ANPEP: variants seen among roughly 807,000 people sequenced by gnomAD.
ANPEP encodes the protein alanyl aminopeptidase, membrane.
ANPEP carries 70 observed loss-of-function variants against 114.6 expected under a neutral mutation model. The ratio of observed to expected loss-of-function variants is 0.61; its 90% CI spans 0.50 to 0.75. The LOEUF is 0.75. Among genes scored for constraint, ANPEP ranks in the 30% least tolerant of loss-of-function variants. The pLI, the probability that ANPEP is intolerant of heterozygous loss-of-function variation, is 0.00. For missense variants in ANPEP, 1,184 were observed against 1,259.5 expected, an observed-to-expected ratio of 0.94 and a Z score of 0.91; for synonymous variants, 548 against 522.3, an observed-to-expected ratio of 1.05 and a Z score of -0.67.
intron 1 of ANPEP, among the ~76,000 whole-genome samples, chr15:89,812,834 G>A (rs746443165): frequency 6.6e-6 from 1 of 152,154 alleles, no homozygotes; most frequent in Non-Finnish European, 1.5e-5. Flanking sequence ...TCCTAAAAAT[G>A]TCCTCCCATA....
chr15:89,792,562 C>T lies in ANPEP; in HGVS notation c.2250G>A (p.Gln750=). 1 of 1,613,814 alleles carries T rather than the reference C, an allele frequency of 6.2e-7. No homozygotes were observed. The highest frequency in any genetic ancestry group is 8.5e-7 in the Non-Finnish European group (1 of 1,179,716). ...TGCTGATGGCATTAACCTCGCTGTA[C>T]CTGCCCCAGGGGTGACACGCGGTTA... ...WREIPENLMD[Q]YSEVNAISTA... The change falls in exon 17 of 21, where the codon CAG becomes CAA. Residue 750 remains glutamine, a splice_region_variant and synonymous_variant. Coordinates refer to ENST00000300060, the MANE Select transcript of ANPEP (RefSeq NM_001150.3).
Position 89,804,388 on chromosome 15 carries a change from G to A in ANPEP, c.1044C>T (p.Asp348=). ...LPKSDQIGLP[D]FNAGAMENWG... is the part of the protein sequence containing the mutation. Reference sequence around the variant, plus strand: ...AGTTCTCCATGGCGCCGGCGTTGAAGTCTGGCAGGCCAATCTGGTCTGGGG... The same window carrying A: ...AGTTCTCCATGGCGCCGGCGTTGAAATCTGGCAGGCCAATCTGGTCTGGGG... The change falls in exon 6 of 21, where the codon GAC becomes GAT. Residue 348 remains aspartate, a synonymous_variant. Transcript: ENST00000300060. The A allele has an allele frequency of 1.9e-6, 3 of 1,614,242 alleles. No homozygotes were observed. The highest frequency in any genetic ancestry group is 1.1e-5 in the South Asian group (1 of 91,088).
intron 11 of ANPEP, 97 bp from the exon 12 acceptor site, chr15:89,801,284 A>G (rs1894583656): frequency 6.4e-7 from 1 of 1,553,114 alleles, no homozygotes; most frequent in Admixed American, 1.7e-5. Flanking sequence ...CAGCTCTGGC[A>G]CCGAGTGCCC....
chr15:89,805,591 C>T, intron 2 of ANPEP, 128 bp from the exon 3 acceptor site: 2 of 1,321,384 alleles, frequency 1.5e-6, no homozygotes, highest in Admixed American at 2.7e-5. Flanking sequence ...TGCTCCTGCT[C>T]CCACCCCCGC....
rs1356573771 is a variant in ANPEP at position 89,803,376 on chromosome 15, C to T, written c.1503+66G>A. 4.3e-6 allele frequency: 7 copies of T among 1,613,250 alleles called. No individual in the cohort carries two copies. The highest frequency in any genetic ancestry group is 5.9e-6 in the Non-Finnish European group (7 of 1,179,426). On this transcript the variant is annotated intron_variant, in intron 9 of 20. Transcript: ENST00000300060. The surrounding 1 kb of genome is among the most constrained non-coding windows in gnomAD (Gnocchi z 4.2). ...GCTCCCCCTCTGTGGTGGGCAGAGGCCCGGGTCAAGGGCGAGGGGCAGAAG... is the reference window on the plus strand; with the variant it reads ...GCTCCCCCTCTGTGGTGGGCAGAGGTCCGGGTCAAGGGCGAGGGGCAGAAG...
rs763160436 is a variant in ANPEP at position 89,792,142 on chromosome 15, C to G, written c.2528+18G>C. ...TGGGGAGAGGGCTCTCGCAGTCCCACCCTGCGCCAAGACTCACCTGTTCAG... is the reference window on the plus strand; with the variant it reads ...TGGGGAGAGGGCTCTCGCAGTCCCAGCCTGCGCCAAGACTCACCTGTTCAG... On this transcript the variant is annotated intron_variant, in intron 18 of 20. Coordinates refer to ENST00000300060, the MANE Select transcript of ANPEP (RefSeq NM_001150.3). The G allele has an allele frequency of 1.9e-6, 3 of 1,608,708 alleles. No homozygotes were observed. In the Admixed American group the frequency reaches 5.0e-5, roughly 27 times the overall value.
chr15:89,786,863 A>G (rs1395929766), intron 20 of ANPEP, among the ~76,000 whole-genome samples: 1 of 152,086 alleles, frequency 6.6e-6, no homozygotes, highest in Non-Finnish European at 1.5e-5. Context: ...ATTGATTTTC[A>G]ACTAGGTTGC....
Position 89,803,538 on chromosome 15 carries a change from G to C in ANPEP, c.1438-31C>G. The C allele has an allele frequency of 6.2e-7, 1 of 1,605,020 alleles. No homozygotes were observed. Among genetic ancestry groups the C allele is most frequent in the Non-Finnish European group, 8.5e-7 (1 of 1,178,180 alleles). The stretch of plus-strand genomic sequence containing the variant: ...GTGGGGGTGAGGGGGCGCTCAGAAG[G>C]CTGTGCAGAGCCACCAGGACCCTGT... On this transcript the variant is annotated intron_variant, in intron 8 of 20. Coordinates refer to ENST00000300060, the MANE Select transcript of ANPEP (RefSeq NM_001150.3). The surrounding 1 kb of genome is among the most constrained non-coding windows in gnomAD (Gnocchi z 4.2).
At chr15:89,811,660 A>G (rs1284600038) in intron 1 of ANPEP, among the ~76,000 whole-genome samples, 3 of 151,596 alleles carry the variant, frequency 2.0e-5, no homozygotes, top group African/African-American at 7.3e-5. Flanking sequence ...AAAAAAAAAA[A>G]AAAAAAGAAA....
At chr15:89,796,278 A>C (rs1441838703) in intron 15 of ANPEP, among the ~76,000 whole-genome samples, 1 of 152,244 alleles carries the variant, frequency 6.6e-6, no homozygotes, top group Non-Finnish European at 1.5e-5. Flanking sequence ...ACAAAAAAGG[A>C]AACATAAACA....
chr15:89,797,873 C>T, intron 14 of ANPEP, 151 bp from the exon 15 acceptor site: 1 of 1,087,854 alleles, frequency 9.2e-7, no homozygotes, highest in Non-Finnish European at 1.3e-6. Flanking sequence ...CCAACTGAGC[C>T]AGCTCAGGCA....
In ANPEP at chr15:89,806,003, T is replaced by TA; in HGVS notation, c.580dup (p.Tyr194LeufsTer33). ...ATTGCCCTCCATGTACTCGCTGCGG[T>TA]AGAAGCCCGCCAGGTCATCTGCCAA... On this transcript the variant is annotated frameshift_variant, in exon 2 of 21. Coordinates refer to ENST00000300060, the MANE Select transcript of ANPEP (RefSeq NM_001150.3). LOFTEE classifies it high-confidence loss of function. The surrounding 1 kb of genome is among the most constrained non-coding windows in gnomAD (Gnocchi z 5.7). 6.2e-7 allele frequency: 1 copy of TA among 1,605,522 alleles called. No individual in the cohort carries two copies. The highest frequency in any genetic ancestry group is 8.5e-7 in the Non-Finnish European group (1 of 1,173,714).
chr15:89,806,538 T>G lies in ANPEP; in HGVS notation c.46A>C (p.Ile16Leu), dbSNP rs1894719980. Residue 16 changes from isoleucine to leucine, a missense_variant, in exon 2 of 21, where the codon ATC becomes CTC. Ile to Leu is a conservative substitution (Grantham distance 5). Coordinates refer to ENST00000300060, the MANE Select transcript of ANPEP (RefSeq NM_001150.3). The surrounding 1 kb of genome is among the most constrained non-coding windows in gnomAD (Gnocchi z 5.7). ...CACACGGCTGCCACGCCCAGGAGGA[T>G]CCCCAGGATGCCCAGGGACTTGGAA... is the stretch of plus-strand genomic sequence containing the variant. ...YISKSLGILG[I>L]LLGVAAVCTI... is the part of the protein sequence containing the mutation. 6 of 1,611,964 alleles carry G rather than the reference T, an allele frequency of 3.7e-6. No homozygotes were observed. Among genetic ancestry groups the G allele is most frequent in the Non-Finnish European group, 5.1e-6 (6 of 1,178,488 alleles).
chr15:89,801,175 A>G lies in ANPEP; in HGVS notation c.1755T>C (p.Ile585=). 1 of 1,614,138 alleles carries G rather than the reference A, an allele frequency of 6.2e-7. No homozygotes were observed. ...TRPSEFNYVW[I]VPITSIRDGR... ...CATCTCTGATGGATGTGATGGGCAC[A>G]ATCCACACGTAGCTGCAATTAAAGA... is the stretch of plus-strand genomic sequence containing the variant. The change falls in exon 12 of 21, where the codon ATT becomes ATC. Residue 585 remains isoleucine, a synonymous_variant. Coordinates refer to ENST00000300060, the MANE Select transcript of ANPEP (RefSeq NM_001150.3).
At chr15:89,786,299 G>C (rs1230973982) in intron 20 of ANPEP, among the ~76,000 whole-genome samples, 1 of 151,116 alleles carries the variant, frequency 6.6e-6, no homozygotes, top group Non-Finnish European at 1.5e-5. Flanking sequence ...ATAAATCTGT[G>C]TCCATGGACT....
chr15:89,791,106 G>A lies in ANPEP; in HGVS notation c.2529-13C>T. On this transcript the variant is annotated splice_polypyrimidine_tract_variant and intron_variant, in intron 18 of 20. Coordinates refer to ENST00000300060, the MANE Select transcript of ANPEP (RefSeq NM_001150.3). Reference sequence around the variant, plus strand: ...GTAGCTCAGGTACCTAAGAGGGCCAGATGCTGTCTCAGCTACTGCTAATTC... The same window carrying A: ...GTAGCTCAGGTACCTAAGAGGGCCAAATGCTGTCTCAGCTACTGCTAATTC... 1 of 1,613,684 alleles carries A rather than the reference G, an allele frequency of 6.2e-7. No individual in the cohort carries two copies. The highest frequency in any genetic ancestry group is 8.5e-7 in the Non-Finnish European group (1 of 1,179,686).
At chr15:89,804,098 C>T in intron 6 of ANPEP, 96 bp from the exon 7 acceptor site, 1 of 1,550,320 alleles carries the variant, frequency 6.5e-7, no homozygotes, top group Admixed American at 1.7e-5. Context: ...CTGCCAGGCA[C>T]AGTGGGGATT....
chr15:89,808,445 C>T (rs1030075900), intron 1 of ANPEP, among the ~76,000 whole-genome samples: 1 of 152,222 alleles, frequency 6.6e-6, no homozygotes, highest in Non-Finnish European at 1.5e-5. Flanking sequence ...CAGGGCCTCA[C>T]CAGCACTTAG....
chr15:89,807,329 A>T (rs1345307608), intron 1 of ANPEP, among the ~76,000 whole-genome samples: 2 of 152,232 alleles, frequency 1.3e-5, no homozygotes, highest in Non-Finnish European at 2.9e-5. Context: ...TCATAAATAA[A>T]TAACAGTATT....
Sources: allele counts gnomAD v4.1 joint callset (sites outside exome capture counted in the v4.1 genomes callset), GRCh38; gene constraint gnomAD v4.1.1; non-coding constraint Gnocchi (gnomAD v3.1); transcripts MANE v1.5; gene names NCBI Gene and HGNC (gene_info 2026-07-23, HGNC 2026-07-21).